REPS1: variants seen among roughly 807,000 people sequenced by gnomAD.
REPS1 encodes RALBP1 associated Eps domain containing 1, also known as ralBP1-associated Eps domain-containing protein 1.
Under a neutral mutation model 100.9 loss-of-function variants are expected in REPS1, and 39 were observed. The observed-to-expected ratio is 0.39, with a 90% CI of 0.30 to 0.50. The LOEUF is 0.50. Among genes scored for constraint, REPS1 ranks in the 20% least tolerant of loss-of-function variants. REPS1 has a pLI of 0.86. For missense variants in REPS1, 821 were observed against 968.5 expected (o/e 0.85, Z 2.02); for synonymous variants, 324 against 340.3 (o/e 0.95, Z 0.53).
chr6:138,979,197 A>AAAC (rs767121176), intron 1 of REPS1, among the ~76,000 whole-genome samples: 1 of 121,968 alleles, frequency 8.2e-6, no homozygotes, highest in Non-Finnish European at 1.6e-5. Flanking sequence ...AAAAAAAAAA[A>AAAC]CAAAAAAAAA....
At chr6:138,929,320 G>C (rs1483243692) in intron 9 of REPS1, 2 of 152,168 alleles carry the variant, frequency 1.3e-5, no homozygotes, top group African/African-American at 4.8e-5. Context: ...CCCTTATTCT[G>C]ATCAGTGGCC....
At chr6:138,972,521 TAACTA>T (rs1270262461) in intron 1 of REPS1, among the ~76,000 whole-genome samples, 1 of 152,078 alleles carries the variant, frequency 6.6e-6, no homozygotes, top group Non-Finnish European at 1.5e-5. Flanking sequence ...CCAAAAGAGT[TAACTA>T]AATTAAATGA....
chr6:138,940,615 C>T (rs62442369), intron 8 of REPS1, among the ~76,000 whole-genome samples: 22,513 of 151,642 alleles, frequency 0.15, 1,754 homozygotes, highest in African/African-American at 0.17. Flanking sequence ...CATGGTGGTG[C>T]GTGCCTGTAG....
intron 1 of REPS1, among the ~76,000 whole-genome samples, chr6:138,986,162 C>A (rs536427251): frequency 6.6e-6 from 1 of 152,214 alleles, no homozygotes; most frequent in South Asian, 2.1e-4. Flanking sequence ...TTTGTAAACA[C>A]AAGAAGAAGA....
intron 9 of REPS1, 88 bp downstream of exon 9, chr6:138,929,889 G>A: frequency 7.6e-7 from 1 of 1,318,536 alleles, no homozygotes; most frequent in Non-Finnish European, 1.1e-6. Context: ...CATGCATGCT[G>A]GAAGAGACAG....
At chr6:138,967,655 T>C (rs1422938499) in intron 1 of REPS1, among the ~76,000 whole-genome samples, 1 of 152,138 alleles carries the variant, frequency 6.6e-6, no homozygotes, top group African/African-American at 2.4e-5. Flanking sequence ...AGCAACACTT[T>C]ATACTCAGTA....
intron 1 of REPS1, among the ~76,000 whole-genome samples, chr6:138,955,457 A>AAGAGTGTGTGTGTGTGTGT (rs10689184): frequency 1.1e-5 from 1 of 90,718 alleles, no homozygotes; most frequent in Non-Finnish European, 2.0e-5. Flanking sequence ...AAAAAAAAAA[A>AAGAGTGTGTGTGTGTGTGT]GTGTGTGTGT....
chr6:138,905,368 T>C (rs1319263774), intron 19 of REPS1, among the ~76,000 whole-genome samples: 2 of 152,302 alleles, frequency 1.3e-5, no homozygotes, highest in African/African-American at 4.8e-5. Flanking sequence ...CTCGGCTCAC[T>C]GCAAGCTCCG....
At chr6:138,935,877 A>G (rs1391500697) in intron 8 of REPS1, among the ~76,000 whole-genome samples, 1,465 of 34,776 alleles carry the variant, frequency 0.042, 5 homozygotes, top group Admixed American at 0.069. Context: ...GGCGCGGGGG[A>G]GTGGTGGCCA....
chr6:138,986,479 A>T (rs570393948), intron 1 of REPS1, among the ~76,000 whole-genome samples: 1 of 152,174 alleles, frequency 6.6e-6, no homozygotes, highest in Non-Finnish European at 1.5e-5. Flanking sequence ...TTGAAAATGG[A>T]AAGTGCCTGA....
intron 4 of REPS1, 119 bp downstream of exon 4, chr6:138,945,100 G>T (rs1582795343): frequency 2.5e-6 from 2 of 802,666 alleles, no homozygotes; most frequent in South Asian, 5.8e-5. Flanking sequence ...AGGTTCTGTG[G>T]CACAAGCCTA....
At chr6:138,910,077 G>A (rs1194317186) in intron 17 of REPS1, among the ~76,000 whole-genome samples, 1 of 152,190 alleles carries the variant, frequency 6.6e-6, no homozygotes, top group Non-Finnish European at 1.5e-5. Flanking sequence ...TCTAATGTTG[G>A]AGGTGGGCCT....
At chr6:138,939,823 C>T (rs1025648295) in intron 8 of REPS1, among the ~76,000 whole-genome samples, 1 of 152,064 alleles carries the variant, frequency 6.6e-6, no homozygotes, top group African/African-American at 2.4e-5. Context: ...AATAAAGATA[C>T]TAAGCTTTCA....
chr6:138,911,420 A>T, intron 16 of REPS1, 49 bp from the exon 17 acceptor site: 1 of 1,123,258 alleles, frequency 8.9e-7, no homozygotes, highest in Non-Finnish European at 1.4e-6. Flanking sequence ...ACATGTAATT[A>T]TGCATAAATA....
rs745755970 is a variant in REPS1, at chr6:138,920,305, G to C, written c.1438C>G (p.Pro480Ala). The change falls in exon 12 of 20, where the codon CCC (proline) becomes GCC (alanine). Residue 480 changes from proline to alanine, a missense_variant. Coordinates refer to ENST00000450536, the MANE Select transcript of REPS1 (RefSeq NM_001286611.2). ...GGTTTCACAAGTAATGGGCTAGTGGGATTTGTATGATCTAATAGAGAATTA... is the reference window on the plus strand; with the variant it reads ...GGTTTCACAAGTAATGGGCTAGTGGCATTTGTATGATCTAATAGAGAATTA... ...LKRTGSDHTN[P>A]TSPLLVKPSD... 6.4e-7 allele frequency: 1 copy of C among 1,554,492 alleles called. No homozygotes were observed. The highest frequency in any genetic ancestry group is 8.9e-7 in the Non-Finnish European group (1 of 1,126,122).
chr6:138,945,799 G>C, intron 2 of REPS1, 102 bp from the exon 3 acceptor site: 1 of 983,830 alleles, frequency 1.0e-6, no homozygotes, highest in South Asian at 2.2e-5. Flanking sequence ...TGTAAAAATG[G>C]ATACAGAAAC....
At chr6:138,952,477 G>A (rs1424508105) in intron 1 of REPS1, among the ~76,000 whole-genome samples, 2 of 151,316 alleles carry the variant, frequency 1.3e-5, no homozygotes, top group Non-Finnish European at 2.9e-5. Context: ...TCAGCTGACT[G>A]CAACCTCCAC....
At chr6:138,978,442 C>CA (rs1303378733) in intron 1 of REPS1, among the ~76,000 whole-genome samples, 5 of 151,306 alleles carry the variant, frequency 3.3e-5, no homozygotes, top group Non-Finnish European at 7.4e-5. Context: ...TAGCTGGGAC[C>CA]ACAGGTGCAC....
rs1785379215 is a variant in REPS1, at chr6:138,987,978, GA to G, written c.-297del. The G allele has an allele frequency of 2.6e-6, 1 of 391,190 alleles. No individual in the cohort carries two copies. 24.2% of individuals were successfully genotyped at this position (391,190 alleles called of 1,614,324 possible). A position where few individuals can be genotyped will look rare whatever the true frequency, so the allele number is the denominator to read the frequency against. On this transcript the variant is annotated 5_prime_UTR_variant, in exon 1 of 20. Transcript: ENST00000450536. Reference sequence around the variant, plus strand: ...GCTCCGGCCGCGGGGAGGGTGCAGAGAAAGAGGCGGGGGCCGCGGAGGCGCG... The same window carrying G: ...GCTCCGGCCGCGGGGAGGGTGCAGAGAAGAGGCGGGGGCCGCGGAGGCGCG...
Sources: allele counts gnomAD v4.1 joint callset (sites outside exome capture counted in the v4.1 genomes callset), GRCh38; gene constraint gnomAD v4.1.1; transcripts MANE v1.5; gene names NCBI Gene and HGNC (gene_info 2026-07-23, HGNC 2026-07-21).